Variants in CACNA1C observed in about 807,000 individuals in gnomAD.
CACNA1C encodes the protein voltage-dependent L-type calcium channel subunit alpha-1C.
In CACNA1C, 30 loss-of-function variants were observed where a neutral mutation model predicts 229.0. That is an observed-to-expected ratio of 0.13 (90% CI 0.10 to 0.18). The LOEUF (loss-of-function observed/expected upper bound fraction) is 0.18. Ranked by LOEUF, CACNA1C falls within the 10% of genes least tolerant of loss-of-function variation. CACNA1C has a pLI of 1.00. For missense variants in CACNA1C, 1,658 were observed against 2,845.0 expected, an observed-to-expected ratio of 0.58 and a Z score of 9.49; for synonymous variants, 1,114 against 1,132.5, an observed-to-expected ratio of 0.98 and a Z score of 0.33.
chr12:2,304,273 G>A (rs1232329443), intron 3 of CACNA1C, among the ~76,000 whole-genome samples: 2 of 152,114 alleles, frequency 1.3e-5, no homozygotes, highest in African/African-American at 4.8e-5. Flanking sequence ...GGAGGTGCAC[G>A]GCCCCAGAAG....
intron 3 of CACNA1C, among the ~76,000 whole-genome samples, chr12:2,156,681 C>G (rs1213892156): frequency 6.6e-6 from 1 of 152,204 alleles, no homozygotes; most frequent in Non-Finnish European, 1.5e-5. Flanking sequence ...AACAGTTCCT[C>G]AACCAGGTTT....
rs1159241231 is a variant in CACNA1C at position 2,145,800 on chromosome 12, T to C, written c.477+25370T>C. ...GTCTTTCTTGCCTCAATTTGCCTGATAGTCATTTCATGCTAGGGATGTTTT... is the reference window on the plus strand; with the variant it reads ...GTCTTTCTTGCCTCAATTTGCCTGACAGTCATTTCATGCTAGGGATGTTTT... On this transcript the variant is annotated intron_variant, in intron 3 of 46. Transcript: ENST00000399655. 2.0e-5 allele frequency among the ~76,000 whole-genome samples: 3 copies of C among 151,274 alleles called. 1 individual carries two copies. Among genetic ancestry groups the C allele is most frequent in the Non-Finnish European group, 4.4e-5 (3 of 67,622 alleles).
intron 3 of CACNA1C, among the ~76,000 whole-genome samples, chr12:2,175,453 T>G (rs1053292816): frequency 6.6e-6 from 1 of 152,164 alleles, no homozygotes; most frequent in Non-Finnish European, 1.5e-5. Flanking sequence ...CTCCATGTTT[T>G]CTGTGACCTC....
intron 3 of CACNA1C, among the ~76,000 whole-genome samples, chr12:2,401,955 C>G (rs1306057148): frequency 6.6e-6 from 1 of 152,238 alleles, no homozygotes; most frequent in Non-Finnish European, 1.5e-5. Context: ...ATGGCATGAG[C>G]CTCTGACAAT....
At position 2,463,768 on chromosome 12, in the gene CACNA1C, A is replaced by G. The variant is rs574908790; in HGVS notation, c.757+6062A>G. On this transcript the variant is annotated intron_variant, in intron 5 of 46. Transcript: ENST00000399655. The stretch of plus-strand genomic sequence containing the variant: ...GGTGAAAATCAGATTGGCTCTTCCA[A>G]TGGGGTTCTGTGTAGTTGAAAGATT... 9.2e-5 allele frequency among the ~76,000 whole-genome samples: 14 copies of G among 152,296 alleles called. No homozygotes were observed. The East Asian group carries it at 1.7e-3, about 19-fold the overall frequency.
chr12:1,986,506 T>C (rs2037832014), intron 1 of CACNA1C, among the ~76,000 whole-genome samples: 1 of 152,176 alleles, frequency 6.6e-6, no homozygotes, highest in Non-Finnish European at 1.5e-5. Context: ...AGACAGGGTC[T>C]TTCTTGGGAT....
rs373308619 is a variant in CACNA1C, at chr12:2,505,526, A to G, written c.1217+581A>G. Reference sequence around the variant, plus strand: ...TTAGAAGTGGTAGAAGTAACCGGGCATGGTGGTGCACACCTGTAGACCCAG... The same window carrying G: ...TTAGAAGTGGTAGAAGTAACCGGGCGTGGTGGTGCACACCTGTAGACCCAG... On this transcript the variant is annotated intron_variant, in intron 8 of 46. Transcript: ENST00000399655. Among the ~76,000 whole-genome samples, 43 of 152,288 alleles carry G rather than the reference A, an allele frequency of 2.8e-4. No individual in the cohort carries two copies. The East Asian group carries it at 7.9e-3, about 28-fold the overall frequency.
chr12:2,682,746 G>T, intron 43 of CACNA1C, 68 bp downstream of exon 43: 9 of 1,523,464 alleles, frequency 5.9e-6, no homozygotes, highest in Non-Finnish European at 8.0e-6. Flanking sequence ...GCAGAGGCAG[G>T]TCCCTGAGAT....
chr12:2,664,751 G>T, intron 34 of CACNA1C, 74 bp from the exon 35 acceptor site: 1 of 1,277,050 alleles, frequency 7.8e-7, no homozygotes, highest in Non-Finnish European at 1.1e-6. Flanking sequence ...AGGGACAGGT[G>T]GGGAGGGATG....
intron 5 of CACNA1C, among the ~76,000 whole-genome samples, chr12:2,460,705 G>C (rs929354106): frequency 1.3e-5 from 2 of 152,174 alleles, no homozygotes; most frequent in African/African-American, 4.8e-5. Flanking sequence ...TGCAGTCCAG[G>C]AAAATATTTT....
intron 18 of CACNA1C, among the ~76,000 whole-genome samples, chr12:2,586,848 T>C (rs1413214642): frequency 6.6e-6 from 1 of 152,244 alleles, no homozygotes; most frequent in Non-Finnish European, 1.5e-5. Flanking sequence ...TAGGATGTGG[T>C]TTCCTGGAGC....
At chr12:2,661,311 ACACAAG>A (rs1399319742) in intron 34 of CACNA1C, among the ~76,000 whole-genome samples, 1 of 145,022 alleles carries the variant, frequency 6.9e-6, no homozygotes, top group Non-Finnish European at 1.5e-5. Flanking sequence ...ACACACACAC[ACACAAG>A]ATTTTTCTAA....
chr12:2,628,119 A>C (rs2088050031), intron 29 of CACNA1C, among the ~76,000 whole-genome samples: 1 of 152,196 alleles, frequency 6.6e-6, no homozygotes, highest in Non-Finnish European at 1.5e-5. Flanking sequence ...CCTTCTTGCC[A>C]CCAGCCTGAC....
chr12:2,695,612 C>T lies in CACNA1C; in HGVS notation c.*4413C>T, dbSNP rs149851420. On this transcript the variant is annotated 3_prime_UTR_variant, in exon 47 of 47. Coordinates refer to ENST00000399655, the MANE Select transcript of CACNA1C (RefSeq NM_000719.7). ...TCCTACAACTGTCAGGAATGGGGCA[C>T]CTTTCCCTGTCCCTAAGCAAAGCTC... 2.0e-5 allele frequency: 3 copies of T among 152,410 alleles called. No individual in the cohort carries two copies. The East Asian group carries it at 5.8e-4, about 30-fold the overall frequency. The allele number at this position is 152,410 out of a possible 1,614,324, so 9.4% of individuals were successfully genotyped here. A position where few individuals can be genotyped will look rare whatever the true frequency, so the allele number is the denominator to read the frequency against.
At chr12:2,267,455 T>A (rs2082811072) in intron 3 of CACNA1C, among the ~76,000 whole-genome samples, 1 of 151,972 alleles carries the variant, frequency 6.6e-6, no homozygotes, top group African/African-American at 2.4e-5. Context: ...GGGAAAAGGG[T>A]GTGGGCAGGA....
intron 3 of CACNA1C, among the ~76,000 whole-genome samples, chr12:2,437,817 T>C (rs891207977): frequency 8.0e-5 from 12 of 149,900 alleles, no homozygotes; most frequent in African/African-American, 3.0e-4. Context: ...ATGATGGTGG[T>C]GGTGGTAATG....
At chr12:2,413,652 T>C (rs2098833440) in intron 3 of CACNA1C, among the ~76,000 whole-genome samples, 1 of 152,178 alleles carries the variant, frequency 6.6e-6, no homozygotes, top group South Asian at 2.1e-4. Context: ...GCCGCCGTCC[T>C]ACCATCTCAC....
intron 3 of CACNA1C, among the ~76,000 whole-genome samples, chr12:2,314,028 A>G (rs144997273): frequency 3.9e-4 from 60 of 152,202 alleles, no homozygotes; most frequent in African/African-American, 1.3e-3. Flanking sequence ...GCCTTTCCAG[A>G]TGGCCCAGCC....
chr12:2,036,493 G>C (rs145662834), intron 1 of CACNA1C, among the ~76,000 whole-genome samples: 81 of 150,472 alleles, frequency 5.4e-4, no homozygotes, highest in African/African-American at 1.9e-3. Context: ...TTTTTTTTGA[G>C]ACAGAGTCTT....
Sources: gnomAD v4.1 joint callset for allele counts (sites outside exome capture counted in the v4.1 genomes callset) on GRCh38, gnomAD v4.1.1 for gene constraint, MANE v1.5 for transcripts, NCBI Gene and HGNC (gene_info 2026-07-23, HGNC 2026-07-21) for gene names.